Variants in LHFPL3 observed in about 807,000 individuals in gnomAD.
The protein encoded by LHFPL3 is LHFPL tetraspan subfamily member 3 protein.
A neutral mutation model predicts 19.3 loss-of-function variants in LHFPL3; 5 were observed. The observed-to-expected ratio is 0.26, with a 90% CI of 0.14 to 0.54. The LOEUF is 0.54. Among genes scored for constraint, LHFPL3 ranks in the 20% least tolerant of loss-of-function variants. The pLI is 0.94. For missense variants in LHFPL3, 249 were observed against 307.4 expected, an observed-to-expected ratio of 0.81 and a Z score of 1.42; for synonymous variants, 133 against 126.2, an observed-to-expected ratio of 1.05 and a Z score of -0.36.
chr7:104,406,578 C>T (rs911842376), intron 1 of LHFPL3, among the ~76,000 whole-genome samples: 5 of 152,150 alleles, frequency 3.3e-5, no homozygotes, highest in Non-Finnish European at 7.4e-5. Flanking sequence ...AATTCTAACC[C>T]GGGTCTTCTG....
intron 2 of LHFPL3, among the ~76,000 whole-genome samples, chr7:104,771,331 T>C (rs1476086526): frequency 6.6e-6 from 1 of 152,186 alleles, no homozygotes; most frequent in Non-Finnish European, 1.5e-5. Context: ...CCCCATGAGT[T>C]GAATAGGGCA....
intron 1 of LHFPL3, among the ~76,000 whole-genome samples, chr7:104,572,711 G>A (rs994234752): frequency 6.6e-6 from 1 of 152,016 alleles, no homozygotes; most frequent in African/African-American, 2.4e-5. Context: ...TCTTCTATAG[G>A]GACTAAAGTA....
At chr7:104,421,385 A>T (rs999382889) in intron 1 of LHFPL3, among the ~76,000 whole-genome samples, 5 of 152,130 alleles carry the variant, frequency 3.3e-5, no homozygotes, top group African/African-American at 1.2e-4. Flanking sequence ...AAACCTCAAC[A>T]TGTTACAGAT....
At chr7:104,532,357 T>C (rs1017496069) in intron 1 of LHFPL3, among the ~76,000 whole-genome samples, 8 of 139,902 alleles carry the variant, frequency 5.7e-5, no homozygotes, top group Non-Finnish European at 9.3e-5. Context: ...AGAACGAATC[T>C]AGCTATGTGC....
intron 2 of LHFPL3, among the ~76,000 whole-genome samples, chr7:104,788,787 C>G (rs966527449): frequency 6.6e-6 from 1 of 152,228 alleles, no homozygotes; most frequent in Non-Finnish European, 1.5e-5. Flanking sequence ...CTAAATCAAA[C>G]TGGTCACTTC....
intron 2 of LHFPL3, among the ~76,000 whole-genome samples, chr7:104,898,877 G>A (rs1792423511): frequency 6.6e-6 from 1 of 152,082 alleles, no homozygotes; most frequent in African/African-American, 2.4e-5. Flanking sequence ...AGCACTTCGG[G>A]AGGCTGAGGC....
intron 1 of LHFPL3, among the ~76,000 whole-genome samples, chr7:104,629,382 C>T (rs1423710257): frequency 6.6e-6 from 1 of 152,020 alleles, no homozygotes; most frequent in African/African-American, 2.4e-5. Flanking sequence ...ACTTTACTCT[C>T]CAGAATTTGT....
chr7:104,538,025 G>A (rs1794420979), intron 1 of LHFPL3, among the ~76,000 whole-genome samples: 1 of 152,058 alleles, frequency 6.6e-6, no homozygotes, highest in African/African-American at 2.4e-5. Flanking sequence ...CCTGAGCCAT[G>A]CTAGAAAAAA....
chr7:104,585,244 G>A (rs1254058154), intron 1 of LHFPL3, among the ~76,000 whole-genome samples: 1 of 152,030 alleles, frequency 6.6e-6, no homozygotes, highest in Non-Finnish European at 1.5e-5. Flanking sequence ...TTTGCCTAGA[G>A]GGATGCCAAG....
chr7:104,884,036 C>T (rs1028341196), intron 2 of LHFPL3, among the ~76,000 whole-genome samples: 4 of 151,298 alleles, frequency 2.6e-5, no homozygotes, highest in Non-Finnish European at 4.4e-5. Flanking sequence ...AGCCCTGCCT[C>T]GTAAAACTTT....
chr7:104,379,942 G>A (rs1387067931), intron 1 of LHFPL3, among the ~76,000 whole-genome samples: 1 of 152,170 alleles, frequency 6.6e-6, no homozygotes, highest in Admixed American at 6.5e-5. Context: ...TCTGACTAGA[G>A]CAGAACATTG....
At chr7:104,778,027 C>T (rs949282773) in intron 2 of LHFPL3, among the ~76,000 whole-genome samples, 13 of 152,162 alleles carry the variant, frequency 8.5e-5, no homozygotes, top group African/African-American at 3.1e-4. Flanking sequence ...AAGCTCCTTC[C>T]ATGACAATCT....
intron 2 of LHFPL3, among the ~76,000 whole-genome samples, chr7:104,853,366 G>A (rs1791446428): frequency 6.6e-6 from 1 of 152,204 alleles, no homozygotes; most frequent in South Asian, 2.1e-4. Context: ...GCCAGAGGGA[G>A]TGCTTTCAGC....
intron 1 of LHFPL3, among the ~76,000 whole-genome samples, chr7:104,564,434 A>G (rs987008758): frequency 3.3e-5 from 5 of 152,198 alleles, no homozygotes; most frequent in African/African-American, 9.7e-5. Flanking sequence ...CCATTCAACA[A>G]ATATTTACTG....
intron 1 of LHFPL3, among the ~76,000 whole-genome samples, chr7:104,361,668 T>A (rs897624608): frequency 6.6e-6 from 1 of 152,176 alleles, no homozygotes; most frequent in Admixed American, 6.5e-5. Context: ...GAGAAGGCCT[T>A]GAGGAAACGA....
chr7:104,621,043 A>G (rs933097970), intron 1 of LHFPL3, among the ~76,000 whole-genome samples: 4 of 152,170 alleles, frequency 2.6e-5, no homozygotes, highest in Non-Finnish European at 4.4e-5. Flanking sequence ...ACATTTTCTC[A>G]TATTCAAGCA....
At chr7:104,434,796 C>A (rs1312217546) in intron 1 of LHFPL3, among the ~76,000 whole-genome samples, 1 of 152,134 alleles carries the variant, frequency 6.6e-6, no homozygotes, top group African/African-American at 2.4e-5. Flanking sequence ...GCCGTGTGCT[C>A]AGAAAGCTAT....
chr7:104,459,811 A>T (rs932300779), intron 1 of LHFPL3, among the ~76,000 whole-genome samples: 2 of 152,214 alleles, frequency 1.3e-5, no homozygotes, highest in Non-Finnish European at 2.9e-5. Flanking sequence ...TTAACCTGTT[A>T]ACCTTAATTT....
intron 1 of LHFPL3, among the ~76,000 whole-genome samples, chr7:104,543,477 C>A (rs190553365): frequency 2.0e-5 from 3 of 151,738 alleles, no homozygotes; most frequent in Admixed American, 1.3e-4. Context: ...ATATTTACTG[C>A]GACACTATTC....
Sources: allele counts gnomAD v4.1 joint callset (sites outside exome capture counted in the v4.1 genomes callset), GRCh38; gene constraint gnomAD v4.1.1; transcripts MANE v1.5; gene names NCBI Gene and HGNC (gene_info 2026-07-23, HGNC 2026-07-21).